The following MSI2 variants were observed in gnomAD, a reference collection of about 807,000 sequenced individuals.
MSI2 encodes musashi RNA binding protein 2.
MSI2 carries 17 observed loss-of-function variants against 45.6 expected under a neutral mutation model. The ratio of observed to expected loss-of-function variants is 0.37; its 90% confidence interval spans 0.26 to 0.56. The LOEUF is 0.56. Ranked by LOEUF, MSI2 falls within the 20% of genes least tolerant of loss-of-function variation. MSI2 has a pLI of 0.77. For missense variants in MSI2, 293 were observed against 444.2 expected (o/e 0.66, Z 3.06); for synonymous variants, 156 against 158.2 (o/e 0.99, Z 0.11).
At chr17:57,317,780 T>C (rs1912976987) in intron 5 of MSI2, among the ~76,000 whole-genome samples, 1 of 152,160 alleles carries the variant, frequency 6.6e-6, no homozygotes, top group African/African-American at 2.4e-5. Context: ...GAGCCCAGGA[T>C]AATGTGTATT....
rs754545711 is a variant in MSI2 at position 57,596,964 on chromosome 17, G to C, written c.537+14G>C. The C allele has an allele frequency of 1.9e-6, 3 of 1,584,544 alleles. No homozygotes were observed. The highest frequency in any genetic ancestry group is 2.6e-6 in the Non-Finnish European group (3 of 1,153,406). On this transcript the variant is annotated intron_variant, in intron 8 of 13. Coordinates refer to ENST00000284073, the MANE Select transcript of MSI2 (RefSeq NM_138962.4). This position sits in a 1 kb window ranked among gnomAD's most constrained non-coding sequence, Gnocchi z 4.6. ...AATAATAAAATGGTAAGTGTGTAGG[G>C]GTTGCGCTGAAATGGAATGCCCCCT...
intron 6 of MSI2, among the ~76,000 whole-genome samples, chr17:57,479,042 T>A (rs143066470): frequency 5.9e-5 from 9 of 152,096 alleles, no homozygotes; most frequent in South Asian, 4.2e-4. Context: ...AGTAGAAGAC[T>A]GTGTGTGCCC....
intron 10 of MSI2, among the ~76,000 whole-genome samples, chr17:57,638,752 A>C (rs1209586016): frequency 6.6e-6 from 1 of 151,942 alleles, no homozygotes; most frequent in East Asian, 1.9e-4. Context: ...TATTTAAAAA[A>C]TTAGCCAGGC....
chr17:57,281,794 G>A (rs958956573), intron 5 of MSI2, among the ~76,000 whole-genome samples: 17 of 152,168 alleles, frequency 1.1e-4, no homozygotes, highest in Non-Finnish European at 2.2e-4. Flanking sequence ...AAGCAATCAG[G>A]TTGACTGACA....
intron 3 of MSI2, among the ~76,000 whole-genome samples, chr17:57,257,784 G>A (rs1009849107): frequency 2.6e-5 from 4 of 151,192 alleles, no homozygotes; most frequent in African/African-American, 9.7e-5. Context: ...TCATTTTCCC[G>A]TCGCTTCTTT....
intron 7 of MSI2, among the ~76,000 whole-genome samples, chr17:57,591,729 C>CA (rs60682470): frequency 0.03 from 2,109 of 69,330 alleles, 25 homozygotes; most frequent in African/African-American, 0.043. Context: ...AACCCTGTCT[C>CA]AAAAAAAAAA....
intron 10 of MSI2, among the ~76,000 whole-genome samples, chr17:57,650,379 A>G (rs1032559640): frequency 5.9e-5 from 9 of 152,226 alleles, no homozygotes; most frequent in Admixed American, 5.9e-4. Context: ...GGGTTGGGAC[A>G]GAGAGAAATA....
chr17:57,460,115 C>T (rs1056378144), intron 6 of MSI2, among the ~76,000 whole-genome samples: 18 of 148,366 alleles, frequency 1.2e-4, no homozygotes, highest in African/African-American at 4.2e-4. Flanking sequence ...GGCAACAGAA[C>T]GGAACTCTGT....
At chr17:57,543,422 G>A (rs570497927) in intron 7 of MSI2, among the ~76,000 whole-genome samples, 2 of 152,344 alleles carry the variant, frequency 1.3e-5, no homozygotes, top group African/African-American at 4.8e-5. Flanking sequence ...AGCCCTGGAA[G>A]GCTGGGGGGA....
chr17:57,262,972 A>G (rs1269806298), intron 5 of MSI2, among the ~76,000 whole-genome samples: 2 of 151,966 alleles, frequency 1.3e-5, no homozygotes, highest in Non-Finnish European at 2.9e-5. Flanking sequence ...TTTAGTTACT[A>G]TTTTTCTTCC....
intron 7 of MSI2, among the ~76,000 whole-genome samples, chr17:57,559,642 G>A (rs2087525289): frequency 6.6e-6 from 1 of 152,246 alleles, no homozygotes; most frequent in Admixed American, 6.5e-5. Flanking sequence ...GACTGTGTGG[G>A]ACCAGCTGTG....
chr17:57,448,466 G>A (rs964296436), intron 6 of MSI2: 3 of 152,190 alleles, frequency 2.0e-5, no homozygotes, highest in Non-Finnish European at 2.9e-5. Flanking sequence ...GTGGGTGTAC[G>A]GAACAGGTTT....
chr17:57,699,182 A>AGAGAGAGAGAGAGAGT, the MSI2 span, among the ~76,000 whole-genome samples: 45 of 25,080 alleles, frequency 1.8e-3, 3 homozygotes, highest in Admixed American at 3.2e-3. Flanking sequence ...AGAGAGAGAG[A>AGAGAGAGAGAGAGAGT]GTGTGTGTGT....
chr17:57,346,621 C>CT (rs2143818675), intron 5 of MSI2, among the ~76,000 whole-genome samples: 1 of 151,948 alleles, frequency 6.6e-6, no homozygotes, highest in African/African-American at 2.4e-5. Context: ...TCTTTCTTTT[C>CT]TTTTTTTTAG....
At chr17:57,691,826 A>C in the MSI2 span, among the ~76,000 whole-genome samples, 1 of 151,924 alleles carries the variant, frequency 6.6e-6, no homozygotes, top group Non-Finnish European at 1.5e-5. Context: ...CCTTTTATTT[A>C]TTTTTCTTGC....
intron 6 of MSI2, among the ~76,000 whole-genome samples, chr17:57,485,492 G>T (rs1373192997): frequency 6.6e-6 from 1 of 152,200 alleles, no homozygotes; most frequent in Non-Finnish European, 1.5e-5. Context: ...TGGGAGCCAC[G>T]CATGGAAGGG....
Position 57,471,308 on chromosome 17 carries a change from T to C in MSI2, c.406-58368T>C, listed in dbSNP as rs1200051860. Among the ~76,000 whole-genome samples the C allele has an allele frequency of 2.2e-3, 232 of 106,168 alleles. 1 individual carries two copies. The highest frequency in any genetic ancestry group is 7.6e-3 in the African/African-American group (207 of 27,088). 69.7% of individuals were successfully genotyped at this position (106,168 alleles called of 152,430 possible). A position where few individuals can be genotyped will look rare whatever the true frequency, so the allele number is the denominator to read the frequency against. ...TTTTTTTTTTTTTTTTTTTTTTTTT[T>C]CAGATGGAGTCTTGGTCTGTCGCCC... On this transcript the variant is annotated intron_variant, in intron 6 of 13. Transcript: ENST00000284073.
intron 6 of MSI2, among the ~76,000 whole-genome samples, chr17:57,436,367 A>G (rs1382555349): frequency 6.6e-6 from 1 of 152,228 alleles, no homozygotes; most frequent in Admixed American, 6.5e-5. Flanking sequence ...CTTCTATTGA[A>G]AATAGACTGG....
chr17:57,287,797 C>T (rs1351812199), intron 5 of MSI2, among the ~76,000 whole-genome samples: 2 of 152,190 alleles, frequency 1.3e-5, no homozygotes, highest in Non-Finnish European at 2.9e-5. Flanking sequence ...TGAATGAAAT[C>T]AGAGTCCTGT....
Sources: allele counts gnomAD v4.1 joint callset (sites outside exome capture counted in the v4.1 genomes callset), GRCh38; gene constraint gnomAD v4.1.1; non-coding constraint Gnocchi (gnomAD v3.1); transcripts MANE v1.5; gene names NCBI Gene and HGNC (gene_info 2026-07-23, HGNC 2026-07-21).